Variants in STK38L observed in about 807,000 individuals in gnomAD.
STK38L encodes serine/threonine-protein kinase 38-like.
Under a neutral mutation model 59.7 loss-of-function variants are expected in STK38L, and 28 were observed. The ratio of observed to expected loss-of-function variants is 0.47; its 90% CI spans 0.35 to 0.64. STK38L has a LOEUF of 0.64. Ranked by LOEUF, STK38L falls within the 30% of genes least tolerant of loss-of-function variation. The pLI is 0.01. For synonymous variants in STK38L, 162 were observed against 176.8 expected (o/e 0.92, Z 0.66); for missense variants, 314 against 555.8 (o/e 0.56, Z 4.37).
Position 27,322,767 on chromosome 12 carries a change from G to A in STK38L, c.*312G>A. The stretch of plus-strand genomic sequence containing the variant: ...ATTAAGGTCCATTCTGCCTGTGTGT[G>A]CTGTGGCTTTGAACTGTAACACCTC... On this transcript the variant is annotated 3_prime_UTR_variant, in exon 14 of 14. Coordinates refer to ENST00000389032, the MANE Select transcript of STK38L (RefSeq NM_015000.4). 1 of 206,028 alleles carries A rather than the reference G, an allele frequency of 4.9e-6. No homozygotes were observed. Among genetic ancestry groups the A allele is most frequent in the South Asian group, 1.3e-4 (1 of 7,706 alleles). 12.8% of individuals were successfully genotyped at this position (206,028 alleles called of 1,614,324 possible).
chr12:27,279,117 A>C (rs755585334), intron 1 of STK38L, among the ~76,000 whole-genome samples: 6 of 152,170 alleles, frequency 3.9e-5, no homozygotes, highest in Non-Finnish European at 8.8e-5. Flanking sequence ...AATGTGCCTC[A>C]TTTTCGGACC....
intron 1 of STK38L, among the ~76,000 whole-genome samples, chr12:27,254,649 A>G (rs1943050801): frequency 6.6e-6 from 1 of 152,184 alleles, no homozygotes; most frequent in Non-Finnish European, 1.5e-5. Context: ...TTCAAATTAT[A>G]TCCATTGTAT....
At chr12:27,286,359 G>A (rs1943772632) in intron 1 of STK38L, among the ~76,000 whole-genome samples, 1 of 152,064 alleles carries the variant, frequency 6.6e-6, no homozygotes, top group Non-Finnish European at 1.5e-5. Context: ...AATTCAAAAA[G>A]TGATAAAAGA....
intron 2 of STK38L, among the ~76,000 whole-genome samples, chr12:27,301,420 G>A (rs1316859274): frequency 1.3e-5 from 2 of 152,148 alleles, no homozygotes; most frequent in Admixed American, 6.6e-5. Context: ...CACCATGCTC[G>A]GCTAATTTTT....
intron 1 of STK38L, among the ~76,000 whole-genome samples, chr12:27,281,005 A>C (rs535615095): frequency 6.6e-6 from 1 of 152,234 alleles, no homozygotes; most frequent in South Asian, 2.1e-4. Context: ...ATGTAAGAGA[A>C]GACCAGTAAT....
chr12:27,249,053 G>A (rs752380880), intron 1 of STK38L, among the ~76,000 whole-genome samples: 12 of 152,136 alleles, frequency 7.9e-5, no homozygotes, highest in African/African-American at 1.4e-4. Context: ...TGTGTGAGTA[G>A]GTCTATCAAA....
At chr12:27,275,550 G>A (rs772781626) in intron 1 of STK38L, among the ~76,000 whole-genome samples, 29 of 152,182 alleles carry the variant, frequency 1.9e-4, no homozygotes, top group Non-Finnish European at 4.1e-4. Context: ...TGTTGGCCAG[G>A]CTGGCCCTGA....
At position 27,308,400 on chromosome 12, in the gene STK38L, C is replaced by A; in HGVS notation, c.248C>A (p.Thr83Asn). Reference protein sequence around the residue: ...KETEFLRLKRTRLGLDDFESL... With the variant: ...KETEFLRLKRNRLGLDDFESL... ...ACAGAGTTCTTACGGCTCAAAAGGA[C>A]CAGACTTGGCTTGGATGACTTTGAG... Residue 83 changes from threonine to asparagine, a missense_variant, in exon 4 of 14, where the codon ACC (threonine) becomes AAC (asparagine). Thr to Asn is a moderately conservative substitution (Grantham distance 65, BLOSUM62 0). Transcript: ENST00000389032. This position sits in a 1 kb window ranked among gnomAD's most constrained non-coding sequence, Gnocchi z 4.5. 6.3e-7 allele frequency: 1 copy of A among 1,598,546 alleles called. No homozygotes were observed. Among genetic ancestry groups the A allele is most frequent in the Non-Finnish European group, 8.5e-7 (1 of 1,170,834 alleles).
intron 1 of STK38L, among the ~76,000 whole-genome samples, chr12:27,294,219 A>G (rs1247357645): frequency 6.6e-6 from 1 of 152,178 alleles, no homozygotes; most frequent in Non-Finnish European, 1.5e-5. Flanking sequence ...GCATGTTAGC[A>G]TATTAAAGAT....
intron 1 of STK38L, among the ~76,000 whole-genome samples, chr12:27,267,314 G>A (rs535748635): frequency 6.6e-5 from 10 of 152,282 alleles, no homozygotes; most frequent in African/African-American, 2.4e-4. Flanking sequence ...GGGCATGGTG[G>A]CTCACACCTG....
chr12:27,264,231 C>T (rs933559299), intron 1 of STK38L, among the ~76,000 whole-genome samples: 2 of 152,120 alleles, frequency 1.3e-5, no homozygotes, highest in African/African-American at 4.8e-5. Context: ...GCAATGATTT[C>T]AGGATGGGAG....
rs1944372870 is a variant in STK38L, at chr12:27,308,599, T to G, written c.309+138T>G. On this transcript the variant is annotated intron_variant, in intron 4 of 13. Transcript: ENST00000389032. This position sits in a 1 kb window ranked among gnomAD's most constrained non-coding sequence, Gnocchi z 4.5. ...CAATACTTTGGGAGGCCGAGGCGGG[T>G]GGATCGCCTGAGGTCAGGAGTTCGA... is the stretch of plus-strand genomic sequence containing the variant. 202 of 914,614 alleles carry G rather than the reference T, an allele frequency of 2.2e-4. No homozygotes were observed. The highest frequency in any genetic ancestry group is 2.6e-4 in the Non-Finnish European group (183 of 713,538). The allele number at this position is 914,614 out of a possible 1,614,324, so 56.7% of individuals were successfully genotyped here. A position where few individuals can be genotyped will look rare whatever the true frequency, so the allele number is the denominator to read the frequency against.
At chr12:27,275,164 C>G (rs1167648252) in intron 1 of STK38L, among the ~76,000 whole-genome samples, 3 of 151,896 alleles carry the variant, frequency 2.0e-5, no homozygotes, top group Admixed American at 2.0e-4. Flanking sequence ...ACTTTCCTGT[C>G]CTCCCTCATC....
At position 27,252,994 on chromosome 12, in the gene STK38L, A is replaced by G. The variant is rs116372086; in HGVS notation, c.-12+8662A>G. ...ACTGTAATTCAAACAGAAAGTGACAACGGAGTAACAGGGTACTGTGGGAGC... is the reference window on the plus strand; with the variant it reads ...ACTGTAATTCAAACAGAAAGTGACAGCGGAGTAACAGGGTACTGTGGGAGC... On this transcript the variant is annotated intron_variant, in intron 1 of 13. Coordinates refer to ENST00000389032, the MANE Select transcript of STK38L (RefSeq NM_015000.4). 1.2e-3 allele frequency among the ~76,000 whole-genome samples: 179 copies of G among 152,354 alleles called. 1 individual carries two copies. Among genetic ancestry groups the G allele is most frequent in the African/African-American group, 4.2e-3 (176 of 41,586 alleles).
chr12:27,275,540 T>C (rs890315193), intron 1 of STK38L, among the ~76,000 whole-genome samples: 17 of 152,002 alleles, frequency 1.1e-4, no homozygotes, highest in African/African-American at 4.1e-4. Context: ...GGTTTCACCA[T>C]GTTGGCCAGG....
intron 1 of STK38L, among the ~76,000 whole-genome samples, chr12:27,249,109 G>T (rs192623878): frequency 1.1e-4 from 16 of 152,232 alleles, no homozygotes; most frequent in South Asian, 4.1e-4. Flanking sequence ...CAAGTTTTGG[G>T]GGCATCTTTT....
At chr12:27,268,161 C>T (rs1182313719) in intron 1 of STK38L, among the ~76,000 whole-genome samples, 2 of 151,044 alleles carry the variant, frequency 1.3e-5, no homozygotes, top group Non-Finnish European at 3.0e-5. Flanking sequence ...TACGTGTGCA[C>T]AATGTGCATG....
chr12:27,274,612 A>G (rs1389822340), intron 1 of STK38L, among the ~76,000 whole-genome samples: 1 of 152,208 alleles, frequency 6.6e-6, no homozygotes, highest in Non-Finnish European at 1.5e-5. Flanking sequence ...CATATAACCC[A>G]CATTTATTCA....
intron 5 of STK38L, among the ~76,000 whole-genome samples, chr12:27,310,995 C>G (rs1219681680): frequency 6.6e-6 from 1 of 152,160 alleles, no homozygotes; most frequent in Admixed American, 6.5e-5. Flanking sequence ...CAAACCACCC[C>G]CACAAAATTA....
Sources: allele counts gnomAD v4.1 joint callset (sites outside exome capture counted in the v4.1 genomes callset), GRCh38; gene constraint gnomAD v4.1.1; non-coding constraint Gnocchi (gnomAD v3.1); transcripts MANE v1.5; gene names NCBI Gene and HGNC (gene_info 2026-07-23, HGNC 2026-07-21).